ARFGEF2: variants seen among roughly 807,000 people sequenced by gnomAD.
ARFGEF2 encodes the protein brefeldin A-inhibited guanine nucleotide-exchange protein 2.
A neutral mutation model predicts 219.9 loss-of-function variants in ARFGEF2; 74 were observed. The ratio of observed to expected loss-of-function variants is 0.34; its 90% confidence interval spans 0.28 to 0.41. The LOEUF is 0.41. Ranked by LOEUF, ARFGEF2 falls within the 10% of genes least tolerant of loss-of-function variation. ARFGEF2 has a pLI of 1.00. For synonymous variants in ARFGEF2, 733 were observed against 799.2 expected (o/e 0.92, Z 1.40); for missense variants, 1,743 against 2,218.3 (o/e 0.79, Z 4.30).
chr20:49,016,657 A>G (rs989458312), intron 31 of ARFGEF2, among the ~76,000 whole-genome samples: 1 of 152,154 alleles, frequency 6.6e-6, no homozygotes, highest in Non-Finnish European at 1.5e-5. Flanking sequence ...TTCATGTATT[A>G]TACTGTTCTT....
chr20:48,934,012 T>A (rs2090930696), intron 1 of ARFGEF2, among the ~76,000 whole-genome samples: 1 of 149,484 alleles, frequency 6.7e-6, no homozygotes, highest in African/African-American at 2.5e-5. Context: ...CCCAGCTATT[T>A]GGGAGGCTGA....
intron 1 of ARFGEF2, among the ~76,000 whole-genome samples, chr20:48,924,169 C>G (rs543602125): frequency 1.3e-5 from 2 of 152,332 alleles, no homozygotes; most frequent in South Asian, 2.1e-4. Context: ...TGATATTTCT[C>G]TCTGTCTCTC....
intron 1 of ARFGEF2, among the ~76,000 whole-genome samples, chr20:48,925,880 T>G (rs774518452): frequency 6.6e-6 from 1 of 152,184 alleles, no homozygotes; most frequent in Non-Finnish European, 1.5e-5. Flanking sequence ...TTACTAGTTG[T>G]CATTATTCTC....
At position 49,023,038 on chromosome 20, in the gene ARFGEF2, T is replaced by A; in HGVS notation, c.4625-13T>A. On this transcript the variant is annotated splice_polypyrimidine_tract_variant and intron_variant, in intron 34 of 38. Coordinates refer to ENST00000371917, the MANE Select transcript of ARFGEF2 (RefSeq NM_006420.3). The stretch of plus-strand genomic sequence containing the variant: ...GAATCATTATTAGGGTTAATCTTTA[T>A]CATCTAACATAGATCAGAAACTGTT... The A allele has an allele frequency of 6.2e-7, 1 of 1,614,138 alleles. No homozygotes were observed. The highest frequency in any genetic ancestry group is 8.5e-7 in the Non-Finnish European group (1 of 1,179,994).
intron 26 of ARFGEF2, among the ~76,000 whole-genome samples, chr20:49,008,276 T>C (rs2091475225): frequency 6.6e-6 from 1 of 152,180 alleles, no homozygotes; most frequent in African/African-American, 2.4e-5. Flanking sequence ...ATGTTCACAA[T>C]GTTTGGCCGG....
chr20:49,025,577 A>G (rs2091597165), intron 36 of ARFGEF2, 96 bp downstream of exon 36: 1 of 1,349,812 alleles, frequency 7.4e-7, no homozygotes, highest in Non-Finnish European at 1.1e-6. Context: ...AAACATAGCT[A>G]GAATAACTTA....
intron 10 of ARFGEF2, among the ~76,000 whole-genome samples, chr20:48,971,796 G>A (rs2123417112): frequency 6.6e-6 from 1 of 152,162 alleles, no homozygotes; most frequent in East Asian, 1.9e-4. Flanking sequence ...AGCTACTCGG[G>A]AGGCTGAGGC....
chr20:48,978,454 C>T (rs1423052294), intron 14 of ARFGEF2, among the ~76,000 whole-genome samples: 2 of 152,174 alleles, frequency 1.3e-5, no homozygotes, highest in East Asian at 3.8e-4. Context: ...GCAATGTGCG[C>T]TCTTTTTCGG....
At chr20:48,979,291 A>G (rs1386764797) in intron 14 of ARFGEF2, among the ~76,000 whole-genome samples, 2 of 152,118 alleles carry the variant, frequency 1.3e-5, no homozygotes, top group Non-Finnish European at 2.9e-5. Flanking sequence ...TGATTTGTGT[A>G]TGTTGAACCA....
intron 14 of ARFGEF2, among the ~76,000 whole-genome samples, chr20:48,983,202 G>A (rs1600632409): frequency 1.3e-5 from 2 of 152,124 alleles, no homozygotes; most frequent in East Asian, 3.9e-4. Context: ...GCCATCATGA[G>A]ACCTTAACTG....
At chr20:48,959,573 C>G (rs1348913881) in intron 6 of ARFGEF2, among the ~76,000 whole-genome samples, 4 of 78,054 alleles carry the variant, frequency 5.1e-5, no homozygotes, top group Non-Finnish European at 5.2e-5. Context: ...CTCCCTCCCT[C>G]CTTCCTTCCC....
intron 1 of ARFGEF2, among the ~76,000 whole-genome samples, chr20:48,935,403 G>T (rs2090941625): frequency 6.6e-6 from 1 of 152,062 alleles, no homozygotes; most frequent in Non-Finnish European, 1.5e-5. Flanking sequence ...AGAGCACAGG[G>T]TTGGGGGTAA....
chr20:48,947,047 A>G (rs1433497142), intron 3 of ARFGEF2, among the ~76,000 whole-genome samples: 2 of 152,112 alleles, frequency 1.3e-5, no homozygotes, highest in Non-Finnish European at 1.5e-5. Flanking sequence ...CCTCAAGTGA[A>G]TAATAAAACC....
chr20:48,960,637 C>T (rs1483023253), intron 6 of ARFGEF2, among the ~76,000 whole-genome samples: 2 of 151,792 alleles, frequency 1.3e-5, no homozygotes, highest in African/African-American at 4.8e-5. Flanking sequence ...GTGCCCGCTA[C>T]CACACCTGGC....
At chr20:49,012,496 T>TTTTGTTTG (rs112755167) in intron 28 of ARFGEF2, among the ~76,000 whole-genome samples, 4 of 97,686 alleles carry the variant, frequency 4.1e-5, no homozygotes, top group South Asian at 5.1e-4. Flanking sequence ...ATGATGGGGT[T>TTTTGTTTG]TTTGTTTGTT....
chr20:48,996,543 C>T (rs1344597820), intron 23 of ARFGEF2, among the ~76,000 whole-genome samples: 1 of 151,724 alleles, frequency 6.6e-6, no homozygotes, highest in Non-Finnish European at 1.5e-5. Context: ...TCGAGACCAT[C>T]CTGGCCAACA....
chr20:48,963,724 C>T (rs2091169021), intron 6 of ARFGEF2, 106 bp from the exon 7 acceptor site: 2 of 1,112,724 alleles, frequency 1.8e-6, no homozygotes, highest in Non-Finnish European at 2.7e-6. Context: ...CTTATTTGCA[C>T]CCTTTGCCTT....
chr20:48,968,619 C>T (rs2091206032), intron 8 of ARFGEF2, among the ~76,000 whole-genome samples: 1 of 152,100 alleles, frequency 6.6e-6, no homozygotes, highest in African/African-American at 2.4e-5. Context: ...ACCTTGGCCT[C>T]CCAAAGTGTT....
At chr20:48,986,859 C>T (rs1258157627) in intron 16 of ARFGEF2, among the ~76,000 whole-genome samples, 1 of 152,056 alleles carries the variant, frequency 6.6e-6, no homozygotes, top group African/African-American at 2.4e-5. Context: ...GCCACTGTGC[C>T]TGGCTAATTT....
Sources: gnomAD v4.1 joint callset for allele counts (sites outside exome capture counted in the v4.1 genomes callset) on GRCh38, gnomAD v4.1.1 for gene constraint, MANE v1.5 for transcripts, NCBI Gene and HGNC (gene_info 2026-07-23, HGNC 2026-07-21) for gene names.